KIAA1217: variants seen among roughly 807,000 people sequenced by gnomAD.
KIAA1217 encodes the protein sickle tail protein homolog.
KIAA1217 carries 88 observed loss-of-function variants against 163.9 expected under a neutral mutation model. That is an observed-to-expected ratio of 0.54 (90% confidence interval 0.45 to 0.64). The LOEUF (loss-of-function observed/expected upper bound fraction) is 0.64, where lower values mean the gene tolerates loss of function less well. Among genes scored for constraint, KIAA1217 ranks in the 30% least tolerant of loss-of-function variants. The pLI, the probability that KIAA1217 is intolerant of heterozygous loss-of-function variation, is 0.00. For synonymous variants in KIAA1217, 903 were observed against 923.1 expected, an observed-to-expected ratio of 0.98 and a Z score of 0.39; for missense variants, 2,372 against 2,475.0, an observed-to-expected ratio of 0.96 and a Z score of 0.88.
In KIAA1217 at chr10:23,824,660, T is replaced by A. The variant is rs868380010; in HGVS notation, c.-321+129426T>A. 6.4e-3 allele frequency among the ~76,000 whole-genome samples: 682 copies of A among 107,034 alleles called. 13 individuals carry two copies. Among genetic ancestry groups the A allele is most frequent in the East Asian group, 0.023 (80 of 3,470 alleles). The allele number at this position is 107,034 out of a possible 152,430, so 70.2% of individuals were successfully genotyped here. A position where few individuals can be genotyped will look rare whatever the true frequency, so the allele number is the denominator to read the frequency against. On this transcript the variant is annotated intron_variant, in intron 1 of 18. Coordinates refer to the KIAA1217 transcript ENST00000376462. ...AAAAAAAAAAAAAAAATAAAAAAAA[T>A]ATATATATATATATATATATATGTA...
chr10:24,141,237 C>CCA (rs879210941), intron 2 of KIAA1217, among the ~76,000 whole-genome samples: 1 of 132,142 alleles, frequency 7.6e-6, no homozygotes, highest in Admixed American at 7.7e-5. Flanking sequence ...CCCCCCCCCC[C>CCA]ATTTCTCTCT....
chr10:23,853,377 T>G (rs1367373713), intron 1 of KIAA1217, among the ~76,000 whole-genome samples: 6 of 152,094 alleles, frequency 3.9e-5, no homozygotes, highest in East Asian at 1.9e-4. Context: ...CTTGATCATG[T>G]TGGATAAGCT....
rs1564545551 is a variant in KIAA1217, at chr10:23,934,576, TA to T, written c.-320-72648del. Among the ~76,000 whole-genome samples, 891 of 61,660 alleles carry T rather than the reference TA, an allele frequency of 0.014. 135 individuals carry two copies. The African/African-American group carries it at 0.15, about 10-fold the overall frequency. 40.5% of individuals were successfully genotyped at this position (61,660 alleles called of 152,430 possible). A position where few individuals can be genotyped will look rare whatever the true frequency, so the allele number is the denominator to read the frequency against. On this transcript the variant is annotated intron_variant, in intron 1 of 18. Transcript: ENST00000376462. ...TTTAAAGTATATATATATATATATA[TA>T]TATATATATATATGTATATATATAT...
rs191180447 is a variant in KIAA1217 at position 24,089,627 on chromosome 10, A to T, written c.-171+82253A>T. 4.8e-4 allele frequency among the ~76,000 whole-genome samples: 73 copies of T among 151,842 alleles called. 1 individual carries two copies. The East Asian group carries it at 0.012, about 25-fold the overall frequency. ...TTGTAGATGTGTGGCATTATTTCTG[A>T]GGGCTCTGTTCTTTTCCATTGGTCT... On this transcript the variant is annotated intron_variant, in intron 2 of 18. Transcript: ENST00000376462.
intron 1 of KIAA1217, among the ~76,000 whole-genome samples, chr10:23,992,838 C>T (rs760854450): frequency 5.9e-5 from 9 of 151,582 alleles, no homozygotes; most frequent in Non-Finnish European, 1.3e-4. Flanking sequence ...AGGAGGGACA[C>T]AAATGGAGTG....
At chr10:24,481,225 G>T (rs1404126529) in intron 6 of KIAA1217, 1 of 152,150 alleles carries the variant, frequency 6.6e-6, no homozygotes, top group East Asian at 1.9e-4. Context: ...AAACCATGAA[G>T]ACAGTCATAA....
chr10:24,436,406 C>T (rs1212563080), intron 4 of KIAA1217, among the ~76,000 whole-genome samples: 1 of 150,606 alleles, frequency 6.6e-6, no homozygotes, highest in East Asian at 1.9e-4. Context: ...CATTAAATGC[C>T]TTGATTATAT....
intron 1 of KIAA1217, among the ~76,000 whole-genome samples, chr10:23,970,421 G>A (rs919346978): frequency 1.3e-5 from 2 of 152,172 alleles, no homozygotes; most frequent in Non-Finnish European, 2.9e-5. Flanking sequence ...ATTTGTATGT[G>A]GAGTCTAAAA....
intron 2 of KIAA1217, 95 bp downstream of exon 2, chr10:24,220,004 CT>C: frequency 7.8e-7 from 1 of 1,279,748 alleles, no homozygotes; most frequent in Non-Finnish European, 1.1e-6. Context: ...TAAAGGATAG[CT>C]TAGTGGACTG....
intron 1 of KIAA1217, among the ~76,000 whole-genome samples, chr10:23,703,205 T>A (rs1400353322): frequency 2.0e-5 from 3 of 152,186 alleles, no homozygotes; most frequent in Non-Finnish European, 4.4e-5. Flanking sequence ...GAGACCCTCC[T>A]GGCGGTCACC....
intron 6 of KIAA1217, among the ~76,000 whole-genome samples, chr10:24,493,848 C>T (rs187755357): frequency 6.6e-6 from 1 of 152,292 alleles, no homozygotes; most frequent in East Asian, 1.9e-4. Context: ...GTAGCAGAGA[C>T]AGGGTTTCAC....
intron 1 of KIAA1217, among the ~76,000 whole-genome samples, chr10:23,733,077 G>A (rs570949179): frequency 1.3e-5 from 2 of 151,600 alleles, no homozygotes; most frequent in East Asian, 1.9e-4. Context: ...GCAGTGGCGC[G>A]ATCTCAGTTC....
At chr10:24,229,925 A>G (rs369886662) in intron 2 of KIAA1217, among the ~76,000 whole-genome samples, 6 of 152,282 alleles carry the variant, frequency 3.9e-5, no homozygotes, top group African/African-American at 1.4e-4. Flanking sequence ...AATCTCACAA[A>G]TCACCGGTGA....
At chr10:23,857,741 T>A (rs1839761379) in intron 1 of KIAA1217, among the ~76,000 whole-genome samples, 1 of 152,126 alleles carries the variant, frequency 6.6e-6, no homozygotes, top group South Asian at 2.1e-4. Context: ...GAGTGGGGAA[T>A]CTTTTCTTGA....
rs145658283 is a variant in KIAA1217 at position 24,316,190 on chromosome 10, C to T, written c.355-64679C>T. On this transcript the variant is annotated intron_variant, in intron 2 of 20. Transcript: ENST00000376454. ...GTACTCCAACAGGTATTCTACAATCCGAGCTGTTCATCAGTTGTTAAATTA... is the reference window on the plus strand; with the variant it reads ...GTACTCCAACAGGTATTCTACAATCTGAGCTGTTCATCAGTTGTTAAATTA... Among the ~76,000 whole-genome samples the T allele has an allele frequency of 3.1e-3, 466 of 152,174 alleles. 4 individuals are homozygous for T. The highest frequency in any genetic ancestry group is 0.011 in the African/African-American group (443 of 41,518).
Position 24,050,416 on chromosome 10 carries a change from T to C in KIAA1217, c.-171+43042T>C, listed in dbSNP as rs184007932. Among the ~76,000 whole-genome samples, 924 of 152,352 alleles carry C rather than the reference T, an allele frequency of 6.1e-3. 10 individuals carry two copies. The highest frequency in any genetic ancestry group is 0.021 in the African/African-American group (857 of 41,584). ...CCTGAATGGTATTGCCTAGGTTTTC[T>C]TCTAGGATTTTTATGGTTTTAGGTC... On this transcript the variant is annotated intron_variant, in intron 2 of 18. Coordinates refer to the KIAA1217 transcript ENST00000376462.
chr10:24,037,347 A>C (rs1486757654), intron 2 of KIAA1217, among the ~76,000 whole-genome samples: 1 of 152,162 alleles, frequency 6.6e-6, no homozygotes, highest in South Asian at 2.1e-4. Flanking sequence ...AAAACTAGCC[A>C]GGCATGGTGG....
intron 2 of KIAA1217, chr10:24,275,756 A>G (rs758263826): frequency 1.3e-5 from 7 of 531,108 alleles, no homozygotes; most frequent in South Asian, 9.9e-5. Context: ...ACACACTGCA[A>G]TTACTTTTGC....
chr10:24,283,212 A>G (rs1035951615), intron 2 of KIAA1217, among the ~76,000 whole-genome samples: 1 of 152,184 alleles, frequency 6.6e-6, no homozygotes, highest in African/African-American at 2.4e-5. Flanking sequence ...GCATAGACAC[A>G]TATCTATATT....
Sources: gnomAD v4.1 joint callset for allele counts (sites outside exome capture counted in the v4.1 genomes callset) on GRCh38, gnomAD v4.1.1 for gene constraint, MANE v1.5 for transcripts, NCBI Gene and HGNC (gene_info 2026-07-23, HGNC 2026-07-21) for gene names.